KCNMA1: variants seen among roughly 807,000 people sequenced by gnomAD.
The protein encoded by KCNMA1 is potassium calcium-activated channel subfamily M alpha 1.
KCNMA1 carries 29 observed loss-of-function variants against 140.0 expected under a neutral mutation model. That is an observed-to-expected ratio of 0.21 (90% confidence interval 0.15 to 0.28). The LOEUF is 0.28. KCNMA1 is among the 10% of genes least tolerant of loss of function. The pLI, the probability that KCNMA1 is intolerant of heterozygous loss-of-function variation, is 1.00. For synonymous variants in KCNMA1, 612 were observed against 611.9 expected, an observed-to-expected ratio of 1.00 and a Z score of 0.00; for missense variants, 880 against 1,602.2, an observed-to-expected ratio of 0.55 and a Z score of 7.70.
chr10:77,569,543 C>T (rs1266789145), intron 1 of KCNMA1, among the ~76,000 whole-genome samples: 10 of 151,036 alleles, frequency 6.6e-5, no homozygotes, highest in African/African-American at 2.2e-4. Flanking sequence ...ATGTAGAAAG[C>T]TGAAACTGGA....
At chr10:77,629,707 G>T (rs1468592412) in intron 1 of KCNMA1, among the ~76,000 whole-genome samples, 1 of 152,170 alleles carries the variant, frequency 6.6e-6, no homozygotes, top group African/African-American at 2.4e-5. Context: ...AACAAGCAGG[G>T]AGTCAGAACT....
chr10:77,280,323 T>C (rs373287420), intron 2 of KCNMA1, among the ~76,000 whole-genome samples: 24 of 152,334 alleles, frequency 1.6e-4, no homozygotes, highest in African/African-American at 5.8e-4. Flanking sequence ...TATTTTATAA[T>C]TCTGTAAATT....
chr10:77,142,462 T>C (rs1291216031), intron 5 of KCNMA1, among the ~76,000 whole-genome samples: 1 of 152,194 alleles, frequency 6.6e-6, no homozygotes, highest in African/African-American at 2.4e-5. Flanking sequence ...ATGTGTATGT[T>C]ACATAAATGT....
chr10:77,321,509 T>G (rs1044010810), intron 2 of KCNMA1, among the ~76,000 whole-genome samples: 3 of 152,172 alleles, frequency 2.0e-5, no homozygotes, highest in Admixed American at 2.0e-4. Flanking sequence ...TATTAATCAA[T>G]TAATTCTCAG....
Position 77,130,744 on chromosome 10 carries a change from C to T in KCNMA1, c.809-9696G>A, listed in dbSNP as rs150728337. The stretch of plus-strand genomic sequence containing the variant: ...AGAGGAGATTACAACACAGAACAGA[C>T]GAACACAAAATGTGGGTAGATACTC... On this transcript the variant is annotated intron_variant, in intron 5 of 27. Coordinates refer to ENST00000286628, the MANE Select transcript of KCNMA1 (RefSeq NM_001161352.2). 4.9e-3 allele frequency among the ~76,000 whole-genome samples: 749 copies of T among 152,038 alleles called. 5 individuals are homozygous for T. The highest frequency in any genetic ancestry group is 0.017 in the African/African-American group (707 of 41,452).
chr10:77,323,170 T>C (rs1157179793), intron 2 of KCNMA1, among the ~76,000 whole-genome samples: 1 of 152,142 alleles, frequency 6.6e-6, no homozygotes, highest in Non-Finnish European at 1.5e-5. Context: ...CACCTTCCAG[T>C]AGGGACACAG....
chr10:77,469,958 A>AT lies in KCNMA1; in HGVS notation c.379-65936dup, dbSNP rs567415267. ...CAGGCTGGGCTACCCAGGGATACAG[A>AT]TTTTTTTTTTTAACTTTTTAATCAG... On this transcript the variant is annotated intron_variant, in intron 1 of 27. Transcript: ENST00000286628. 8.4e-3 allele frequency among the ~76,000 whole-genome samples: 1,260 copies of AT among 149,298 alleles called. 6 individuals carry two copies. Among genetic ancestry groups the AT allele is most frequent in the Non-Finnish European group, 0.014 (930 of 67,020 alleles).
chr10:77,432,645 C>T (rs184438566), intron 1 of KCNMA1, among the ~76,000 whole-genome samples: 2 of 152,218 alleles, frequency 1.3e-5, no homozygotes, highest in Non-Finnish European at 2.9e-5. Flanking sequence ...AGAGCCAGGC[C>T]CAGACAGCAG....
intron 2 of KCNMA1, among the ~76,000 whole-genome samples, chr10:77,359,389 C>A (rs1466786834): frequency 6.6e-6 from 1 of 152,110 alleles, no homozygotes; most frequent in East Asian, 1.9e-4. Context: ...CTGTCGGGCT[C>A]AGTGAGGATG....
intron 3 of KCNMA1, among the ~76,000 whole-genome samples, chr10:77,234,946 A>G (rs1360333453): frequency 6.6e-6 from 1 of 152,224 alleles, no homozygotes; most frequent in Non-Finnish European, 1.5e-5. Flanking sequence ...GTGGCCCAGA[A>G]CGCAGAGTTC....
Position 77,113,609 on chromosome 10 carries a change from A to G in KCNMA1, c.885-1167T>C, listed in dbSNP as rs527757506. Among the ~76,000 whole-genome samples the G allele has an allele frequency of 4.3e-4, 65 of 152,104 alleles. 1 individual carries two copies. The South Asian group carries it at 0.013, about 31-fold the overall frequency. On this transcript the variant is annotated intron_variant, in intron 6 of 27. Transcript: ENST00000286628. ...CTCCCGAGTAGCTGGGATTACAGGC[A>G]CCCGCCACCACGCCCAGCTAATTTT...
intron 2 of KCNMA1, among the ~76,000 whole-genome samples, chr10:77,394,779 T>C (rs207675): frequency 0.53 from 80,573 of 151,946 alleles, 23,387 homozygotes; most frequent in Non-Finnish European, 0.67. Flanking sequence ...GAGCAAGTCC[T>C]GTAGGCCACT....
At chr10:77,244,925 G>T (rs2058215879) in intron 3 of KCNMA1, among the ~76,000 whole-genome samples, 1 of 152,164 alleles carries the variant, frequency 6.6e-6, no homozygotes, top group Non-Finnish European at 1.5e-5. Flanking sequence ...TTCAACAGCT[G>T]CTGGCTCTCC....
intron 25 of KCNMA1, among the ~76,000 whole-genome samples, chr10:76,907,262 T>C (rs1325660547): frequency 2.0e-5 from 3 of 152,222 alleles, no homozygotes; most frequent in Non-Finnish European, 4.4e-5. Flanking sequence ...AGATGAGAGA[T>C]GGCTTGTTTA....
At chr10:77,506,554 GGAAA>G (rs151219338) in intron 1 of KCNMA1, among the ~76,000 whole-genome samples, 1 of 131,538 alleles carries the variant, frequency 7.6e-6, no homozygotes, top group African/African-American at 3.0e-5. Flanking sequence ...ATGGAGAGAG[GGAAA>G]GAGAGATGTT....
intron 19 of KCNMA1, among the ~76,000 whole-genome samples, chr10:76,985,183 G>A (rs2080898218): frequency 6.6e-6 from 1 of 152,190 alleles, no homozygotes; most frequent in African/African-American, 2.4e-5. Context: ...TGAAGTATGG[G>A]TTATATAAAA....
chr10:77,338,571 T>C (rs1241684318), intron 2 of KCNMA1, among the ~76,000 whole-genome samples: 1 of 152,162 alleles, frequency 6.6e-6, no homozygotes, highest in Non-Finnish European at 1.5e-5. Context: ...CAGAGCTCAG[T>C]TCACACCCCA....
chr10:77,313,467 G>C (rs2079903920), intron 2 of KCNMA1, among the ~76,000 whole-genome samples: 1 of 152,110 alleles, frequency 6.6e-6, no homozygotes, highest in South Asian at 2.1e-4. Flanking sequence ...TTTTGACTTT[G>C]GTTTTTATTT....
At position 77,124,813 on chromosome 10, in the gene KCNMA1, C is replaced by T. The variant is rs942116836; in HGVS notation, c.809-3765G>A. Among the ~76,000 whole-genome samples the T allele has an allele frequency of 5.3e-5, 8 of 152,136 alleles. No homozygotes were observed. In the South Asian group the frequency reaches 6.2e-4, roughly 12 times the overall value. On this transcript the variant is annotated intron_variant, in intron 5 of 27. Transcript: ENST00000286628. ...TTCAGGAATCATTCACAATAGCTTC[C>T]GTATTAGTCCGTTCTCACTCTGCTA...
Sources: allele counts gnomAD v4.1 joint callset (sites outside exome capture counted in the v4.1 genomes callset), GRCh38; gene constraint gnomAD v4.1.1; transcripts MANE v1.5; gene names NCBI Gene and HGNC (gene_info 2026-07-23, HGNC 2026-07-21).